ESF1: variants seen among roughly 807,000 people sequenced by gnomAD.
ESF1 encodes the protein ESF1 homolog.
ESF1 carries 58 observed loss-of-function variants against 92.0 expected under a neutral mutation model. That is an observed-to-expected ratio of 0.63 (90% confidence interval 0.51 to 0.78). The LOEUF (loss-of-function observed/expected upper bound fraction) is 0.78, where lower values mean the gene tolerates loss of function less well. ESF1 is among the 30% of genes least tolerant of loss of function. The pLI, the probability that ESF1 is intolerant of heterozygous loss-of-function variation, is 0.00. For synonymous variants in ESF1, 321 were observed against 313.7 expected (o/e 1.02, Z -0.24); for missense variants, 922 against 989.1 (o/e 0.93, Z 0.91).
chr20:13,765,125 A>G (rs754610570), intron 8 of ESF1, among the ~76,000 whole-genome samples: 2 of 152,158 alleles, frequency 1.3e-5, no homozygotes, highest in African/African-American at 4.8e-5. Flanking sequence ...TGGGAGGCTG[A>G]GCCATGAGAA....
chr20:13,751,126 A>C (rs763145229), intron 9 of ESF1, among the ~76,000 whole-genome samples: 1 of 152,234 alleles, frequency 6.6e-6, no homozygotes, highest in East Asian at 1.9e-4. Context: ...CCAACTTTTC[A>C]ATTTTGCAAT....
chr20:13,742,197 T>A (rs552849319), intron 9 of ESF1, among the ~76,000 whole-genome samples: 42 of 152,176 alleles, frequency 2.8e-4, no homozygotes, highest in African/African-American at 9.9e-4. Flanking sequence ...CGAAACCCTG[T>A]CTCTACTAAA....
intron 12 of ESF1, among the ~76,000 whole-genome samples, chr20:13,718,588 G>C (rs1344675728): frequency 6.6e-6 from 1 of 152,094 alleles, no homozygotes; most frequent in African/African-American, 2.4e-5. Context: ...TTATTTTGAG[G>C]TTTTAAGGGT....
In ESF1 at chr20:13,779,645, G is replaced by A. The variant is rs182623064; in HGVS notation, c.637+2859C>T. On this transcript the variant is annotated intron_variant, in intron 2 of 13. Transcript: ENST00000617257. ...TACCTCCTGGGTTCAAGTGATTCTC[G>A]TGCCTCAGCCTCCCAAGTAGCTGGG... Among the ~76,000 whole-genome samples, 575 of 152,118 alleles carry A rather than the reference G, an allele frequency of 3.8e-3. 3 individuals carry two copies. The highest frequency in any genetic ancestry group is 0.013 in the African/African-American group (527 of 41,506).
rs761439983 is a variant in ESF1 at position 13,783,156 on chromosome 20, T to C, written c.-16A>G. 4.4e-6 allele frequency: 7 copies of C among 1,585,984 alleles called. No individual in the cohort carries two copies. The African/African-American group carries it at 9.5e-5, about 22-fold the overall frequency. On this transcript the variant is annotated 5_prime_UTR_variant, in exon 2 of 14. Coordinates refer to ENST00000617257, the MANE Select transcript of ESF1 (RefSeq NM_001276380.2). ...TGGATGACATTTTTAATTCTTAATCTCGACCAAATGCTTGAAGAAAACAAA... is the reference window on the plus strand; with the variant it reads ...TGGATGACATTTTTAATTCTTAATCCCGACCAAATGCTTGAAGAAAACAAA...
At chr20:13,743,300 T>G (rs1027264755) in intron 9 of ESF1, among the ~76,000 whole-genome samples, 1 of 152,160 alleles carries the variant, frequency 6.6e-6, no homozygotes, top group African/African-American at 2.4e-5. Context: ...TTGGTACAGC[T>G]ATTATGGAAA....
Position 13,723,600 on chromosome 20 carries a change from T to G in ESF1, c.2039-4616A>C, listed in dbSNP as rs899996622. On this transcript the variant is annotated intron_variant, in intron 11 of 13. Coordinates refer to ENST00000617257, the MANE Select transcript of ESF1 (RefSeq NM_001276380.2). The stretch of plus-strand genomic sequence containing the variant: ...AGATAGAAGAAAAAATTATAAAAGA[T>G]CTCTAACATTCACCCTGGCACCTAA... Among the ~76,000 whole-genome samples the G allele has an allele frequency of 2.4e-4, 36 of 151,602 alleles. 1 individual carries two copies. The highest frequency in any genetic ancestry group is 6.6e-4 in the Admixed American group (10 of 15,160).
At position 13,714,695 on chromosome 20, in the gene ESF1, A is replaced by T. The variant is rs1194657699; in HGVS notation, c.*179T>A. 3.6e-6 allele frequency: 2 copies of T among 559,122 alleles called. No homozygotes were observed. The highest frequency in any genetic ancestry group is 5.9e-5 in the East Asian group (2 of 33,902). The allele number at this position is 559,122 out of a possible 1,614,324, so 34.6% of individuals were successfully genotyped here. A position where few individuals can be genotyped will look rare whatever the true frequency, so the allele number is the denominator to read the frequency against. On this transcript the variant is annotated 3_prime_UTR_variant, in exon 14 of 14. Transcript: ENST00000617257. The stretch of plus-strand genomic sequence containing the variant: ...CTGATCTGTAGGAATATACAATAAA[A>T]ATTTGTCAGTCATCCACAATTAAGT...
At chr20:13,750,652 A>G (rs1159898616) in intron 9 of ESF1, among the ~76,000 whole-genome samples, 1 of 152,240 alleles carries the variant, frequency 6.6e-6, no homozygotes, top group Non-Finnish European at 1.5e-5. Flanking sequence ...TAAACAATAA[A>G]AAGTTCTCCA....
In ESF1 at chr20:13,779,332, G is replaced by GACT. The variant is rs575747614; in HGVS notation, c.638-3065_638-3063dup. On this transcript the variant is annotated intron_variant, in intron 2 of 13. Coordinates refer to ENST00000617257, the MANE Select transcript of ESF1 (RefSeq NM_001276380.2). ...TATGGTTAATAAATAAAACAAAGGT[G>GACT]ACTAGCAGTAATTTTTCATTCAAAG... 3.2e-3 allele frequency among the ~76,000 whole-genome samples: 480 copies of GACT among 152,128 alleles called. 2 individuals are homozygous for GACT. Among genetic ancestry groups the GACT allele is most frequent in the Non-Finnish European group, 5.7e-3 (386 of 68,002 alleles).
chr20:13,759,905 G>A (rs775568257), intron 8 of ESF1, 52 bp from the exon 9 acceptor site: 382 of 1,529,656 alleles, frequency 2.5e-4, no homozygotes, highest in Non-Finnish European at 2.5e-4. Context: ...TTTCTAACTC[G>A]TGTTCAGATC....
At chr20:13,737,898 C>T (rs1040152906) in intron 9 of ESF1, among the ~76,000 whole-genome samples, 3 of 152,242 alleles carry the variant, frequency 2.0e-5, no homozygotes, top group East Asian at 3.9e-4. Flanking sequence ...TCAGGTGATC[C>T]GCCCACCTCG....
intron 9 of ESF1, among the ~76,000 whole-genome samples, chr20:13,748,290 C>T (rs1218853888): frequency 6.6e-6 from 1 of 152,004 alleles, no homozygotes; most frequent in African/African-American, 2.4e-5. Context: ...AAATGGGGTA[C>T]TAACCACCTT....
In ESF1 at chr20:13,775,147, C is replaced by T; in HGVS notation, c.1149+10G>A. 3 of 1,449,196 alleles carry T rather than the reference C, an allele frequency of 2.1e-6. No homozygotes were observed. Among genetic ancestry groups the T allele is most frequent in the Non-Finnish European group, 2.8e-6 (3 of 1,064,528 alleles). 89.8% of individuals were successfully genotyped at this position (1,449,196 alleles called of 1,614,324 possible). On this transcript the variant is annotated intron_variant, in intron 4 of 13. Coordinates refer to ENST00000617257, the MANE Select transcript of ESF1 (RefSeq NM_001276380.2). The stretch of plus-strand genomic sequence containing the variant: ...AGAAATATTTATTTCAAAATGAAAT[C>T]AATTCTCACCTTGACGGAAAATATT...
At chr20:13,775,318 AT>A (rs1179604530) in intron 3 of ESF1, 48 bp from the exon 4 acceptor site, 26 of 1,199,724 alleles carry the variant, frequency 2.2e-5, no homozygotes, top group Non-Finnish European at 3.1e-5. Context: ...ATCATTCTCA[AT>A]ACTTGAAAAA....
chr20:13,718,824 T>A, intron 12 of ESF1, 84 bp downstream of exon 12: 1 of 952,786 alleles, frequency 1.0e-6, no homozygotes. Context: ...ATAAGTTGTT[T>A]TTTAAAATTA....
At chr20:13,727,414 A>G (rs2049907585) in intron 11 of ESF1, among the ~76,000 whole-genome samples, 1 of 152,196 alleles carries the variant, frequency 6.6e-6, no homozygotes, top group Admixed American at 6.5e-5. Context: ...AGTAATTTTG[A>G]GCAATTCTGA....
chr20:13,742,109 AT>A (rs1338669485), intron 9 of ESF1, among the ~76,000 whole-genome samples: 3 of 152,152 alleles, frequency 2.0e-5, no homozygotes, highest in Non-Finnish European at 4.4e-5. Context: ...ACTCATGCCT[AT>A]AATCCCAGCA....
At chr20:13,738,491 T>C (rs2049990823) in intron 9 of ESF1, among the ~76,000 whole-genome samples, 1 of 152,070 alleles carries the variant, frequency 6.6e-6, no homozygotes, top group African/African-American at 2.4e-5. Flanking sequence ...TTATTTTACT[T>C]TTTATAGAGA....
Sources: gnomAD v4.1 joint callset for allele counts (sites outside exome capture counted in the v4.1 genomes callset) on GRCh38, gnomAD v4.1.1 for gene constraint, MANE v1.5 for transcripts, NCBI Gene and HGNC (gene_info 2026-07-23, HGNC 2026-07-21) for gene names.